AIF1L: variants seen among roughly 807,000 people sequenced by gnomAD.
AIF1L encodes allograft inflammatory factor 1 like.
A neutral mutation model predicts 20.7 loss-of-function variants in AIF1L; 12 were observed. The ratio of observed to expected loss-of-function variants is 0.58; its 90% CI spans 0.37 to 0.94. The LOEUF is 0.94. Among genes scored for constraint, AIF1L ranks in the 40% least tolerant of loss-of-function variants. The pLI is 0.01. For synonymous variants in AIF1L, 76 were observed against 65.1 expected, an observed-to-expected ratio of 1.17 and a Z score of -0.81; for missense variants, 173 against 185.3, an observed-to-expected ratio of 0.93 and a Z score of 0.39.
intron 5 of AIF1L, 63 bp from the exon 6 acceptor site, chr9:131,120,172 G>A: frequency 6.8e-7 from 1 of 1,477,506 alleles, no homozygotes; most frequent in Middle Eastern, 1.7e-4. Context: ...TCTTTCCCTG[G>A]ATGAGGGAAG....
chr9:131,117,338 G>A (rs760744251), intron 4 of AIF1L, among the ~76,000 whole-genome samples: 1 of 152,104 alleles, frequency 6.6e-6, no homozygotes, highest in Non-Finnish European at 1.5e-5. Flanking sequence ...CAGGAGAGTG[G>A]GCACCCAGCC....
At chr9:131,113,877 G>C (rs1830948523) in intron 3 of AIF1L, 2 of 152,534 alleles carry the variant, frequency 1.3e-5, no homozygotes, top group Admixed American at 6.5e-5. Flanking sequence ...CTCTGCCCGG[G>C]CAGGGGGTGA....
At chr9:131,103,061 A>G in intron 2 of AIF1L, 2 of 450,468 alleles carry the variant, frequency 4.4e-6, no homozygotes, top group South Asian at 3.1e-5. Flanking sequence ...CAGGCACGGC[A>G]GGGGCTGCCA....
At position 131,112,707 on chromosome 9, in the gene AIF1L, T is replaced by TA. The variant is rs1001723592; in HGVS notation, c.160+1045dup. ...CTCCAAAGCCCCTGCTCTCAACTGT[T>TA]ACGCTATGATGCTTTTTACATGAAG... On this transcript the variant is annotated intron_variant, in intron 3 of 5. Coordinates refer to ENST00000247291, the MANE Select transcript of AIF1L (RefSeq NM_031426.4). Among the ~76,000 whole-genome samples, 6 of 152,122 alleles carry TA rather than the reference T, an allele frequency of 3.9e-5. 1 individual carries two copies. Among genetic ancestry groups the TA allele is most frequent in the Non-Finnish European group, 8.8e-5 (6 of 68,026 alleles).
chr9:131,104,650 G>A (rs1345298995), intron 2 of AIF1L, among the ~76,000 whole-genome samples: 1 of 152,200 alleles, frequency 6.6e-6, no homozygotes, highest in African/African-American at 2.4e-5. Flanking sequence ...TTCCTAATCT[G>A]CTGAATAGTC....
At chr9:131,114,081 A>C (rs1830953667) in intron 3 of AIF1L, 1 of 179,122 alleles carries the variant, frequency 5.6e-6, no homozygotes, top group Admixed American at 5.4e-5. Flanking sequence ...TTTGTGGGCT[A>C]GGGCAGGCCT....
At chr9:131,103,706 T>A (rs1376611735) in intron 2 of AIF1L, among the ~76,000 whole-genome samples, 1 of 152,086 alleles carries the variant, frequency 6.6e-6, no homozygotes, top group African/African-American at 2.4e-5. Context: ...GTTCTGCATA[T>A]CATTATGATC....
At chr9:131,113,246 C>T (rs1213875550) in intron 3 of AIF1L, among the ~76,000 whole-genome samples, 6 of 151,418 alleles carry the variant, frequency 4.0e-5, no homozygotes, top group Non-Finnish European at 7.4e-5. Context: ...ACCTGTAATC[C>T]CAGCACTTTG....
At position 131,121,006 on chromosome 9, in the gene AIF1L, G is replaced by A. The variant is rs983033226; in HGVS notation, c.*684G>A. ...CCTGTGCAGGCAGCTGAGAGGCAGC[G>A]TGCAGCCCTACTGTCCCTTACTGGG... On this transcript the variant is annotated 3_prime_UTR_variant, in exon 6 of 6. Transcript: ENST00000247291. 4.5e-5 allele frequency: 29 copies of A among 646,932 alleles called. No individual in the cohort carries two copies. The highest frequency in any genetic ancestry group is 1.1e-4 in the East Asian group (4 of 35,854). The allele number at this position is 646,932 out of a possible 1,614,324, so 40.1% of individuals were successfully genotyped here.
chr9:131,111,490 T>A, intron 2 of AIF1L, 107 bp from the exon 3 acceptor site: 1 of 996,638 alleles, frequency 1.0e-6, no homozygotes, highest in South Asian at 1.4e-5. Flanking sequence ...CTGGGTCTGG[T>A]CGCACCTGGT....
chr9:131,114,714 G>A (rs746205098), intron 4 of AIF1L, 96 bp downstream of exon 4: 48 of 1,494,100 alleles, frequency 3.2e-5, no homozygotes, highest in East Asian at 1.4e-4. Context: ...GGGGCAGTCC[G>A]GAAGGCTGGT....
At chr9:131,113,254 TTGGGAGGCCGAGG>T (rs1382583591) in intron 3 of AIF1L, among the ~76,000 whole-genome samples, 1 of 151,114 alleles carries the variant, frequency 6.6e-6, no homozygotes, top group Non-Finnish European at 1.5e-5. Context: ...TCCCAGCACT[TTGGGAGGCCGAGG>T]TGGGTGGATC....
chr9:131,114,693 G>T, intron 4 of AIF1L, 75 bp downstream of exon 4: 1 of 1,576,698 alleles, frequency 6.3e-7, no homozygotes, highest in South Asian at 1.1e-5. Flanking sequence ...CTCTGTGCGG[G>T]TGAGGGGCAT....
chr9:131,121,230 T>C lies in AIF1L; in HGVS notation c.*908T>C, dbSNP rs1217132659. 1 of 650,432 alleles carries C rather than the reference T, an allele frequency of 1.5e-6. No homozygotes were observed. Among genetic ancestry groups the C allele is most frequent in the Non-Finnish European group, 2.9e-6 (1 of 349,704 alleles). 40.3% of individuals were successfully genotyped at this position (650,432 alleles called of 1,614,324 possible). On this transcript the variant is annotated 3_prime_UTR_variant, in exon 6 of 6. Transcript: ENST00000247291. ...GTTGCTTGTCTGACCCCAATCTGCTTGAAACCTGACTCTGCTTCTCTCATT... is the reference window on the plus strand; with the variant it reads ...GTTGCTTGTCTGACCCCAATCTGCTCGAAACCTGACTCTGCTTCTCTCATT...
At chr9:131,114,531 G>A (rs778552208) in intron 3 of AIF1L, 46 bp from the exon 4 acceptor site, 1 of 1,609,842 alleles carries the variant, frequency 6.2e-7, no homozygotes, top group East Asian at 2.2e-5. Flanking sequence ...CCCACAGGGA[G>A]ACGCTGCTTC....
intron 2 of AIF1L, among the ~76,000 whole-genome samples, chr9:131,104,786 A>T (rs560734334): frequency 6.6e-6 from 1 of 152,072 alleles, no homozygotes; most frequent in South Asian, 2.1e-4. Context: ...TAATCCCAGC[A>T]CTTTGGGATG....
rs1831111017 is a variant in AIF1L, at chr9:131,120,433, G to A, written c.*111G>A. 10 of 893,902 alleles carry A rather than the reference G, an allele frequency of 1.1e-5. No homozygotes were observed. The highest frequency in any genetic ancestry group is 1.7e-5 in the Non-Finnish European group (10 of 597,588). 55.4% of individuals were successfully genotyped at this position (893,902 alleles called of 1,614,324 possible). A position where few individuals can be genotyped will look rare whatever the true frequency, so the allele number is the denominator to read the frequency against. On this transcript the variant is annotated 3_prime_UTR_variant, in exon 6 of 6. Coordinates refer to ENST00000247291, the MANE Select transcript of AIF1L (RefSeq NM_031426.4). ...TCTCTCATTTGTTTGGTCATTGAGG[G>A]TTTGTTTGTGTTTTCATCAATGTCT... is the stretch of plus-strand genomic sequence containing the variant.
intron 4 of AIF1L, 89 bp from the exon 5 acceptor site, chr9:131,117,667 C>G: frequency 7.1e-7 from 1 of 1,403,802 alleles, no homozygotes; most frequent in East Asian, 2.4e-5. Context: ...AGTTTCTAGG[C>G]GTGGGGTGCC....
At chr9:131,113,497 C>CAAAA (rs3057292) in intron 3 of AIF1L, among the ~76,000 whole-genome samples, 13 of 49,314 alleles carry the variant, frequency 2.6e-4, no homozygotes, top group Admixed American at 2.9e-4. Flanking sequence ...GACTCCATCT[C>CAAAA]AAAAAAAAAA....
Sources: allele counts gnomAD v4.1 joint callset (sites outside exome capture counted in the v4.1 genomes callset), GRCh38; gene constraint gnomAD v4.1.1; transcripts MANE v1.5; gene names NCBI Gene and HGNC (gene_info 2026-07-23, HGNC 2026-07-21).